Variants in SSH2 observed in about 807,000 individuals in gnomAD.
SSH2 encodes protein phosphatase Slingshot homolog 2.
A neutral mutation model predicts 135.2 loss-of-function variants in SSH2; 37 were observed. The observed-to-expected ratio is 0.27, with a 90% CI of 0.21 to 0.36. SSH2 has a LOEUF of 0.36. Ranked by LOEUF, SSH2 falls within the 10% of genes least tolerant of loss-of-function variation. The probability of loss-of-function intolerance (pLI) is 1.00; values close to 1 mark genes in which losing one functional copy is unlikely to be tolerated. For synonymous variants in SSH2, 628 were observed against 646.2 expected, an observed-to-expected ratio of 0.97 and a Z score of 0.43; for missense variants, 1,408 against 1,765.3, an observed-to-expected ratio of 0.80 and a Z score of 3.63.
intron 3 of SSH2, among the ~76,000 whole-genome samples, chr17:29,727,929 C>A (rs543059488): frequency 5.4e-4 from 82 of 152,260 alleles, no homozygotes; most frequent in African/African-American, 2.0e-3. Flanking sequence ...ACCTGTAATC[C>A]CAGCACTTTG....
chr17:29,750,242 A>G (rs914621442), intron 3 of SSH2, among the ~76,000 whole-genome samples: 1 of 151,394 alleles, frequency 6.6e-6, no homozygotes, highest in African/African-American at 2.4e-5. Context: ...GTTCGAGATC[A>G]GCCTGGCCAA....
Position 29,631,025 on chromosome 17 carries a change from A to T in SSH2, c.4169T>A (p.Leu1390His). Reference protein sequence around the residue: ...SQQYLLPRAGLELTSSEGGLP... With the variant: ...SQQYLLPRAGHELTSSEGGLP... ...GCCTCCTTCAGAACTAGTCAATTCA[A>T]GTCCTGCCCTGGGGAGCAAATACTG... The change falls in exon 16 of 16, where the codon CTT becomes CAT. Residue 1390 changes from leucine to histidine, a missense_variant. Physicochemically the swap from Leu to His is moderately conservative, Grantham distance 99. Transcript: ENST00000540801. The T allele has an allele frequency of 6.2e-7, 1 of 1,614,148 alleles. No homozygotes were observed. The highest frequency in any genetic ancestry group is 8.5e-7 in the Non-Finnish European group (1 of 1,179,984).
chr17:29,750,054 ATAACTTTATCTTACAGTAACTTT>A (rs772785833), intron 3 of SSH2, among the ~76,000 whole-genome samples: 90 of 152,276 alleles, frequency 5.9e-4, no homozygotes, highest in South Asian at 2.1e-3. Context: ...TTTTTCAACA[ATAACTTTATCTTACAGTAACTTT>A]TTAACTTTAT....
intron 2 of SSH2, among the ~76,000 whole-genome samples, chr17:29,819,501 TA>T (rs370939785): frequency 6.6e-6 from 1 of 151,928 alleles, no homozygotes; most frequent in African/African-American, 2.4e-5. Flanking sequence ...TGCTGCAGAT[TA>T]AAAAAAACTC....
chr17:29,652,526 A>C (rs1358441159), intron 12 of SSH2, among the ~76,000 whole-genome samples: 1 of 152,172 alleles, frequency 6.6e-6, no homozygotes, highest in Non-Finnish European at 1.5e-5. Context: ...AAATGGGTGA[A>C]TCATATGGTA....
chr17:29,648,207 A>G lies in SSH2; in HGVS notation c.1364T>C (p.Val455Ala). ...AYDYVKERRT[V>A]TKPNPSFMRQ... ...CATGAAGCTTGGGTTGGGCTTGGTTACCGTTCGTCTTTCTTTCACATAGTC... is the reference window on the plus strand; with the variant it reads ...CATGAAGCTTGGGTTGGGCTTGGTTGCCGTTCGTCTTTCTTTCACATAGTC... The change falls in exon 14 of 16, where the codon GTA becomes GCA. Residue 455 changes from valine to alanine, a missense_variant. Physicochemically the swap from Val to Ala is moderately conservative, Grantham distance 64. Around this residue, in one of 3 missense-constraint regions of SSH2, gnomAD observed 106 missense variants for 265.2 expected, o/e 0.40. Transcript: ENST00000540801. 1 of 1,614,062 alleles carries G rather than the reference A, an allele frequency of 6.2e-7. No homozygotes were observed. The highest frequency in any genetic ancestry group is 8.5e-7 in the Non-Finnish European group (1 of 1,180,022).
chr17:29,825,042 G>A (rs564371558), intron 2 of SSH2, among the ~76,000 whole-genome samples: 59 of 152,114 alleles, frequency 3.9e-4, no homozygotes, highest in Non-Finnish European at 4.9e-4. Context: ...AGATTACCTC[G>A]ATGAAATAAT....
intron 1 of SSH2, among the ~76,000 whole-genome samples, chr17:29,900,029 G>A (rs1378005020): frequency 6.6e-6 from 1 of 152,094 alleles, no homozygotes; most frequent in Non-Finnish European, 1.5e-5. Context: ...CAAGCAATGG[G>A]GAAAGGATTC....
At chr17:29,666,781 G>A in intron 11 of SSH2, 86 bp downstream of exon 11, 2 of 1,238,650 alleles carry the variant, frequency 1.6e-6, no homozygotes, top group Non-Finnish European at 2.3e-6. Flanking sequence ...TTTTATTTAT[G>A]TATAATAAAA....
chr17:29,838,494 G>A (rs950004404), intron 2 of SSH2, among the ~76,000 whole-genome samples: 28 of 152,216 alleles, frequency 1.8e-4, no homozygotes, highest in African/African-American at 6.8e-4. Flanking sequence ...GACTGCAGTG[G>A]GAATTTGTAG....
chr17:29,855,969 A>G, intron 1 of SSH2: 1 of 320,174 alleles, frequency 3.1e-6, no homozygotes, highest in South Asian at 2.9e-5. Flanking sequence ...TGCTTGCACT[A>G]TTTGTAATCA....
chr17:29,702,995 T>C lies in SSH2; in HGVS notation c.256A>G (p.Thr86Ala), dbSNP rs2039050144. The part of the protein sequence containing the change: ...LFLPRGNGSS[T>A]PRISHRRNKH... ...TTCCGTCTGTGGCTGATTCTTGGTG[T>C]GGATGAGCCATTTCCCCGTGGTAGA... Residue 86 changes from threonine to alanine, a missense_variant, in exon 4 of 16, where the codon ACA (threonine) becomes GCA (alanine). By Grantham distance (58) the Thr-to-Ala change is moderately conservative (BLOSUM62 0). This residue lies in a region of SSH2 where 222 missense variants were observed against 355.6 expected (regional missense o/e 0.62). Transcript: ENST00000540801. 6.2e-7 allele frequency: 1 copy of C among 1,613,836 alleles called. No homozygotes were observed. Among genetic ancestry groups the C allele is most frequent in the Non-Finnish European group, 8.5e-7 (1 of 1,179,886 alleles).
chr17:29,667,206 C>T lies in SSH2; in HGVS notation c.827G>A (p.Arg276Gln), dbSNP rs150554358. The T allele has an allele frequency of 2.5e-6, 4 of 1,608,314 alleles. No homozygotes were observed. Among genetic ancestry groups the T allele is most frequent in the Non-Finnish European group, 2.6e-6 (3 of 1,175,286 alleles). ...TTTGGTTTTAATTAGCCTTTCTGTT[C>T]GTTCACGTTCAGTAGGTCTGAGAAG... ...LFTDIPTERERTERLIKTKLR... is the reference protein window; with the variant it reads ...LFTDIPTEREQTERLIKTKLR... The change falls in exon 10 of 16, where the codon CGA (arginine) becomes CAA (glutamine). Residue 276 changes from arginine (R) to glutamine (Q), a missense_variant. By Grantham distance (43) the Arg-to-Gln change is conservative. Coordinates refer to ENST00000540801, the MANE Select transcript of SSH2 (RefSeq NM_001282129.2).
intron 5 of SSH2, among the ~76,000 whole-genome samples, chr17:29,685,111 T>C (rs2038158741): frequency 6.6e-6 from 1 of 152,230 alleles, no homozygotes; most frequent in Non-Finnish European, 1.5e-5. Context: ...GAGCAAACTA[T>C]TAGCATCATC....
intron 1 of SSH2, among the ~76,000 whole-genome samples, chr17:29,922,177 T>C (rs1019298420): frequency 2.0e-5 from 3 of 152,116 alleles, no homozygotes; most frequent in Non-Finnish European, 4.4e-5. Context: ...AAAGGGAGCA[T>C]GGGCATGTCA....
At chr17:29,678,776 A>AT (rs2037840246) in intron 6 of SSH2, among the ~76,000 whole-genome samples, 2 of 131,876 alleles carry the variant, frequency 1.5e-5, no homozygotes, top group African/African-American at 5.8e-5. Context: ...GGACAGTGGC[A>AT]TAATCTTGGC....
chr17:29,681,331 CAAAAAAAAA>C (rs764461213), intron 6 of SSH2, among the ~76,000 whole-genome samples: 6 of 14,354 alleles, frequency 4.2e-4, no homozygotes, highest in Admixed American at 1.2e-3. Flanking sequence ...GAGACTGTCT[CAAAAAAAAA>C]AAAAAAAAAA....
intron 1 of SSH2, among the ~76,000 whole-genome samples, chr17:29,910,260 T>C (rs1185311392): frequency 6.6e-6 from 1 of 152,158 alleles, no homozygotes; most frequent in Non-Finnish European, 1.5e-5. Context: ...ACTGTTATTC[T>C]TACTTTTAAA....
chr17:29,811,231 A>T (rs943342569), intron 2 of SSH2, among the ~76,000 whole-genome samples: 11 of 152,094 alleles, frequency 7.2e-5, no homozygotes, highest in African/African-American at 2.4e-4. Flanking sequence ...CCTGGCCTCA[A>T]GTGATCCATC....
Sources: allele counts gnomAD v4.1 joint callset (sites outside exome capture counted in the v4.1 genomes callset), GRCh38; gene constraint gnomAD v4.1.1; regional missense constraint gnomAD v4.1.1; transcripts MANE v1.5; gene names NCBI Gene and HGNC (gene_info 2026-07-23, HGNC 2026-07-21).